MGAT5: variants seen among roughly 807,000 people sequenced by gnomAD.
MGAT5 encodes alpha-1,6-mannosylglycoprotein 6-beta-N-acetylglucosaminyltransferase A.
A neutral mutation model predicts 94.3 loss-of-function variants in MGAT5; 30 were observed. The observed-to-expected ratio is 0.32, with a 90% CI of 0.24 to 0.43. The LOEUF (loss-of-function observed/expected upper bound fraction) is 0.43, where lower values mean the gene tolerates loss of function less well. Ranked by LOEUF, MGAT5 falls within the 20% of genes least tolerant of loss-of-function variation. The pLI is 1.00. For synonymous variants in MGAT5, 310 were observed against 322.9 expected (o/e 0.96, Z 0.43); for missense variants, 691 against 905.5 (o/e 0.76, Z 3.04).
intron 1 of MGAT5, among the ~76,000 whole-genome samples, chr2:134,195,583 G>A (rs1335619418): frequency 6.6e-6 from 1 of 152,140 alleles, no homozygotes; most frequent in Non-Finnish European, 1.5e-5. Context: ...ATGTACGTAG[G>A]TTTCCGTTTG....
chr2:134,267,426 A>G (rs1390199044), intron 1 of MGAT5, among the ~76,000 whole-genome samples: 2 of 152,240 alleles, frequency 1.3e-5, no homozygotes, highest in Non-Finnish European at 2.9e-5. Flanking sequence ...ACTGCCTGGC[A>G]TATAGAAAGT....
At chr2:134,160,717 C>T (rs1687694571) in intron 1 of MGAT5, among the ~76,000 whole-genome samples, 1 of 152,208 alleles carries the variant, frequency 6.6e-6, no homozygotes, top group South Asian at 2.1e-4. Context: ...GTAGGGTTTA[C>T]ATCCTGGCTT....
At chr2:134,262,273 T>G (rs1326853377) in intron 1 of MGAT5, among the ~76,000 whole-genome samples, 2 of 152,214 alleles carry the variant, frequency 1.3e-5, no homozygotes, top group South Asian at 4.1e-4. Flanking sequence ...AGAGTCTTGC[T>G]CTGTCACCAA....
rs182453620 is a variant in MGAT5, at chr2:134,200,995, G to A, written c.-142-53267G>A. Among the ~76,000 whole-genome samples, 22 of 152,070 alleles carry A rather than the reference G, an allele frequency of 1.4e-4. No individual in the cohort carries two copies. The East Asian group carries it at 2.8e-3, about 19-fold the overall frequency. On this transcript the variant is annotated intron_variant, in intron 1 of 16. Transcript: ENST00000409645. Reference sequence around the variant, plus strand: ...TGTGACACGATCATAGCTCACTGCAGCCTTGAACTCCTGGGCTCAAGCCAT... The same window carrying A: ...TGTGACACGATCATAGCTCACTGCAACCTTGAACTCCTGGGCTCAAGCCAT...
chr2:134,352,549 T>C (rs1052222764), intron 9 of MGAT5, among the ~76,000 whole-genome samples: 1 of 152,110 alleles, frequency 6.6e-6, no homozygotes, highest in African/African-American at 2.4e-5. Context: ...AAAGAAACAA[T>C]GAAAGGATAA....
intron 1 of MGAT5, among the ~76,000 whole-genome samples, chr2:134,153,163 GC>G (rs1687307655): frequency 6.6e-6 from 1 of 151,956 alleles, no homozygotes. Context: ...CAAATGATCT[GC>G]CTGCCTCAGC....
At chr2:134,348,315 C>G (rs1471652489) in intron 8 of MGAT5, among the ~76,000 whole-genome samples, 1 of 152,132 alleles carries the variant, frequency 6.6e-6, no homozygotes, top group Non-Finnish European at 1.5e-5. Context: ...GTGAAAACTC[C>G]CACTGTGATG....
chr2:134,201,816 CTT>C (rs554227745), intron 1 of MGAT5, among the ~76,000 whole-genome samples: 30 of 67,852 alleles, frequency 4.4e-4, no homozygotes, highest in Admixed American at 3.0e-3. Context: ...CCAAGCGCTG[CTT>C]TTTTTTTTTT....
At chr2:134,406,506 A>G (rs979124795) in intron 11 of MGAT5, among the ~76,000 whole-genome samples, 4 of 152,120 alleles carry the variant, frequency 2.6e-5, no homozygotes, top group East Asian at 1.9e-4. Context: ...CCTCTGACTC[A>G]TCTTATCCTC....
chr2:134,271,860 G>A (rs1327413191), intron 2 of MGAT5, among the ~76,000 whole-genome samples: 1 of 152,104 alleles, frequency 6.6e-6, no homozygotes, highest in East Asian at 1.9e-4. Flanking sequence ...TTAATAACTG[G>A]AACCATGCCT....
intron 1 of MGAT5, among the ~76,000 whole-genome samples, chr2:134,202,032 T>G (rs1329549664): frequency 6.6e-6 from 1 of 152,052 alleles, no homozygotes; most frequent in Non-Finnish European, 1.5e-5. Context: ...ATATTATTAT[T>G]GAATACCCTT....
chr2:134,356,546 C>G (rs1679754720), intron 9 of MGAT5, among the ~76,000 whole-genome samples: 1 of 152,124 alleles, frequency 6.6e-6, no homozygotes, highest in South Asian at 2.1e-4. Flanking sequence ...TCGGTGGAGT[C>G]AGGAGGTACG....
At chr2:134,365,339 T>G (rs1267140696) in intron 10 of MGAT5, among the ~76,000 whole-genome samples, 1 of 152,038 alleles carries the variant, frequency 6.6e-6, no homozygotes, top group Non-Finnish European at 1.5e-5. Context: ...GACCCTGGAG[T>G]TGTCCTCTGA....
intron 14 of MGAT5, among the ~76,000 whole-genome samples, chr2:134,431,082 G>A (rs1253642168): frequency 6.6e-6 from 1 of 152,152 alleles, no homozygotes; most frequent in Non-Finnish European, 1.5e-5. Flanking sequence ...CAGATGTGAA[G>A]GCCTGGAGGG....
chr2:134,365,093 C>G (rs935392530), intron 10 of MGAT5, among the ~76,000 whole-genome samples: 2 of 152,124 alleles, frequency 1.3e-5, no homozygotes, highest in African/African-American at 4.8e-5. Context: ...CCTTTGTGTC[C>G]TGGGAGGTTT....
In MGAT5 at chr2:134,254,416, A is replaced by C; in HGVS notation, c.13A>C (p.Thr5Pro). The C allele has an allele frequency of 6.2e-7, 1 of 1,614,134 alleles. No homozygotes were observed. The highest frequency in any genetic ancestry group is 1.1e-5 in the South Asian group (1 of 91,072). The change falls in exon 1 of 16, where the codon ACT (threonine) becomes CCT (proline). Residue 5 changes from threonine to proline, a missense_variant. By Grantham distance (38) the Thr-to-Pro change is conservative. This residue lies in a region of MGAT5 where 307 missense variants were observed against 335.4 expected (regional missense o/e 0.92). Coordinates refer to ENST00000281923, the MANE Select transcript of MGAT5 (RefSeq NM_002410.5). ...TTGCCAGAGAGCAATGGCTCTCTTCACTCCGTGGAAGTTGTCCTCTCAGAA... is the reference window on the plus strand; with the variant it reads ...TTGCCAGAGAGCAATGGCTCTCTTCCCTCCGTGGAAGTTGTCCTCTCAGAA... MALFTPWKLSSQKLG... is the reference protein window; with the variant it reads MALFPPWKLSSQKLG...
At chr2:134,242,176 T>C (rs2105449235) in intron 1 of MGAT5, among the ~76,000 whole-genome samples, 1 of 152,320 alleles carries the variant, frequency 6.6e-6, no homozygotes, top group East Asian at 1.9e-4. Context: ...CTTTGAGCAG[T>C]GCAAGGTGTG....
intron 14 of MGAT5, among the ~76,000 whole-genome samples, chr2:134,430,024 G>C (rs914020179): frequency 6.6e-6 from 1 of 152,184 alleles, no homozygotes; most frequent in African/African-American, 2.4e-5. Flanking sequence ...GGAGACAGAA[G>C]GTGTCCAGAG....
chr2:134,130,266 C>T (rs1417468069), intron 1 of MGAT5, among the ~76,000 whole-genome samples: 1 of 150,838 alleles, frequency 6.6e-6, no homozygotes, highest in African/African-American at 2.4e-5. Flanking sequence ...CGCCCCACAC[C>T]GCCCCACACC....
Sources: gnomAD v4.1 joint callset for allele counts (sites outside exome capture counted in the v4.1 genomes callset) on GRCh38, gnomAD v4.1.1 for gene constraint, gnomAD v4.1.1 regional missense constraint, MANE v1.5 for transcripts, NCBI Gene and HGNC (gene_info 2026-07-23, HGNC 2026-07-21) for gene names.